Variants in GAB3 observed in about 807,000 individuals in gnomAD.
GAB3 encodes GRB2-associated-binding protein 3.
Under a neutral mutation model 40.4 loss-of-function variants are expected in GAB3, and 12 were observed. The ratio of observed to expected loss-of-function variants is 0.30; its 90% CI spans 0.19 to 0.48. The LOEUF (loss-of-function observed/expected upper bound fraction) is 0.48. Ranked by LOEUF, GAB3 falls within the 20% of genes least tolerant of loss-of-function variation. The probability of loss-of-function intolerance (pLI) is 0.99; values close to 1 mark genes in which losing one functional copy is unlikely to be tolerated. For synonymous variants in GAB3, 154 were observed against 176.7 expected (o/e 0.87, Z 1.02); for missense variants, 381 against 461.9 (o/e 0.82, Z 1.61).
intron 8 of GAB3, among the ~76,000 whole-genome samples, chrX:154,688,291 T>C (rs1214520667): frequency 9.2e-6 from 1 of 109,193 alleles, no homozygotes; most frequent in Non-Finnish European, 1.9e-5. Context: ...TTTTGTTTTT[T>C]TTTTTTGAGA....
At chrX:154,682,231 ATTAT>A (rs2070384173) in intron 8 of GAB3, among the ~76,000 whole-genome samples, 1 of 111,518 alleles carries the variant, frequency 9.0e-6, no homozygotes, top group Admixed American at 9.5e-5. Flanking sequence ...ATTAATTGTA[ATTAT>A]TTATTTTACT....
intron 1 of GAB3, among the ~76,000 whole-genome samples, chrX:154,742,628 A>G (rs1380164598): frequency 8.9e-6 from 1 of 111,794 alleles, no homozygotes; most frequent in Non-Finnish European, 1.9e-5. Context: ...TTAGAAAATA[A>G]GAAAGATCTC....
At chrX:154,735,441 C>T (rs1416806880) in intron 1 of GAB3, among the ~76,000 whole-genome samples, 1 of 112,209 alleles carries the variant, frequency 8.9e-6, no homozygotes, top group African/African-American at 3.2e-5. Flanking sequence ...GTTCACAAGA[C>T]ATCTTCCCAG....
intron 1 of GAB3, among the ~76,000 whole-genome samples, chrX:154,745,768 T>C (rs149226301): frequency 0.011 from 1,200 of 111,736 alleles, 4 homozygotes; most frequent in Non-Finnish European, 0.017. Context: ...GAAATAAAAT[T>C]TGGCCAGGCC....
At chrX:154,695,852 C>T (rs782217447) in intron 8 of GAB3, 65 bp downstream of exon 8, 3 of 649,356 alleles carry the variant, frequency 4.6e-6, no homozygotes, top group East Asian at 6.7e-5. Context: ...GTTTCCTTTA[C>T]AATGAGCTCA....
At chrX:154,748,479 G>C (rs782298540) in intron 1 of GAB3, among the ~76,000 whole-genome samples, 1 of 111,896 alleles carries the variant, frequency 8.9e-6, no homozygotes, top group Admixed American at 9.4e-5. Flanking sequence ...TATATTTCTT[G>C]TGAAACAAAA....
intron 1 of GAB3, among the ~76,000 whole-genome samples, chrX:154,724,513 A>T (rs2071183974): frequency 9.0e-6 from 1 of 111,065 alleles, no homozygotes; most frequent in African/African-American, 3.3e-5. Flanking sequence ...GGGCTTTTCC[A>T]GCTCTGACCA....
chrX:154,705,711 T>C (rs1283059415), intron 4 of GAB3, among the ~76,000 whole-genome samples: 4 of 111,750 alleles, frequency 3.6e-5, no homozygotes, highest in Non-Finnish European at 5.6e-5. Context: ...ACCACTTTTA[T>C]TCAACATATT....
intron 8 of GAB3, among the ~76,000 whole-genome samples, chrX:154,686,918 G>A (rs1294899152): frequency 1.8e-5 from 2 of 111,709 alleles, no homozygotes; most frequent in South Asian, 3.8e-4. Context: ...AGCCAGGCGC[G>A]ATGGCTCATG....
chrX:154,730,564 C>T (rs1557259874), intron 1 of GAB3, among the ~76,000 whole-genome samples: 3 of 112,170 alleles, frequency 2.7e-5, no homozygotes, highest in South Asian at 3.7e-4. Context: ...ACACCTTGAA[C>T]GCACTCACGA....
In GAB3 at chrX:154,737,590, G is replaced by A. The variant is rs181708799; in HGVS notation, c.72+13364C>T. Among the ~76,000 whole-genome samples the A allele has an allele frequency of 2.7e-5, 3 of 111,821 alleles. No homozygotes were observed. The East Asian group carries it at 8.4e-4, about 31-fold the overall frequency. ...ATTTACCCACGGTTACTTCAAACTC[G>A]GTATGTGCCAGCCTGAACGTACCAG... On this transcript the variant is annotated intron_variant, in intron 1 of 9. Coordinates refer to ENST00000424127, the MANE Select transcript of GAB3 (RefSeq NM_001081573.3).
chrX:154,698,057 C>T (rs1031768485), intron 6 of GAB3, among the ~76,000 whole-genome samples: 11 of 112,183 alleles, frequency 9.8e-5, no homozygotes, highest in Admixed American at 8.5e-4. Flanking sequence ...GCCACACGTG[C>T]CCATTTAGAC....
intron 8 of GAB3, among the ~76,000 whole-genome samples, chrX:154,686,318 A>G (rs147990525): frequency 3.8e-3 from 413 of 109,091 alleles, no homozygotes; most frequent in Non-Finnish European, 4.5e-3. Flanking sequence ...ACTGGCTTAA[A>G]GCCTGGTACA....
chrX:154,697,954 C>T (rs2070686457), intron 6 of GAB3, among the ~76,000 whole-genome samples: 1 of 112,125 alleles, frequency 8.9e-6, no homozygotes, highest in South Asian at 3.7e-4. Context: ...TTTGCATCCA[C>T]TCATTAAATC....
chrX:154,728,672 C>T (rs1228669249), intron 1 of GAB3, among the ~76,000 whole-genome samples: 3 of 112,256 alleles, frequency 2.7e-5, no homozygotes, highest in African/African-American at 6.5e-5. Context: ...GAAACCAAGC[C>T]ACACCCAGTA....
intron 1 of GAB3, among the ~76,000 whole-genome samples, chrX:154,733,768 G>A (rs1051139585): frequency 6.3e-5 from 7 of 111,741 alleles, no homozygotes; most frequent in Admixed American, 1.9e-4. Context: ...TCATATCTGC[G>A]TTAAGTGAGA....
At chrX:154,747,802 T>A (rs2071551515) in intron 1 of GAB3, among the ~76,000 whole-genome samples, 1 of 112,310 alleles carries the variant, frequency 8.9e-6, no homozygotes, top group Non-Finnish European at 1.9e-5. Flanking sequence ...AATCCATGAT[T>A]CATAAAAGAA....
chrX:154,729,169 C>A (rs1285550148), intron 1 of GAB3, among the ~76,000 whole-genome samples: 2 of 111,556 alleles, frequency 1.8e-5, no homozygotes, highest in Non-Finnish European at 3.8e-5. Context: ...AGTAAGTTTA[C>A]AAAAAGACAC....
chrX:154,728,406 T>G (rs2071244253), intron 1 of GAB3, among the ~76,000 whole-genome samples: 1 of 112,505 alleles, frequency 8.9e-6, no homozygotes, highest in Non-Finnish European at 1.9e-5. Context: ...GCGCCAGGAT[T>G]TTGGTGCTCA....
Sources: allele counts gnomAD v4.1 joint callset (sites outside exome capture counted in the v4.1 genomes callset), GRCh38; gene constraint gnomAD v4.1.1; transcripts MANE v1.5; gene names NCBI Gene and HGNC (gene_info 2026-07-23, HGNC 2026-07-21).